SEZ6L2: variants seen among roughly 807,000 people sequenced by gnomAD.
SEZ6L2 encodes seizure 6-like protein 2.
SEZ6L2 carries 44 observed loss-of-function variants against 97.0 expected under a neutral mutation model. The ratio of observed to expected loss-of-function variants is 0.45; its 90% CI spans 0.36 to 0.58. SEZ6L2 has a LOEUF of 0.58. SEZ6L2 is among the 20% of genes least tolerant of loss of function. SEZ6L2 has a pLI of 0.00. For missense variants in SEZ6L2, 1,086 were observed against 1,233.3 expected, an observed-to-expected ratio of 0.88 and a Z score of 1.79; for synonymous variants, 543 against 546.1, an observed-to-expected ratio of 0.99 and a Z score of 0.08.
intron 5 of SEZ6L2, among the ~76,000 whole-genome samples, chr16:29,894,169 C>T (rs1178239377): frequency 6.6e-6 from 1 of 152,202 alleles, no homozygotes; most frequent in African/African-American, 2.4e-5. Flanking sequence ...CCACGCCAGG[C>T]CACACACTGT....
At chr16:29,885,325 G>A (rs2068114450) in intron 8 of SEZ6L2, among the ~76,000 whole-genome samples, 1 of 152,192 alleles carries the variant, frequency 6.6e-6, no homozygotes, top group South Asian at 2.1e-4. Context: ...GGAAAGAACC[G>A]AGATACTGAG....
rs2068178922 is a variant in SEZ6L2, at chr16:29,887,771, C to T, written c.1086G>A (p.Val362=). 2 of 1,613,838 alleles carry T rather than the reference C, an allele frequency of 1.2e-6. No homozygotes were observed. The highest frequency in any genetic ancestry group is 2.7e-5 in the African/African-American group (2 of 75,024). The part of the protein sequence containing the change: ...TIHNATLGRI[V]SPEPGGAVGP... ...CTACGGCTCCCCCAGGCTCTGGGGACACGATGCGGCCCAGGGTGGCATTGT... is the reference window on the plus strand; with the variant it reads ...CTACGGCTCCCCCAGGCTCTGGGGATACGATGCGGCCCAGGGTGGCATTGT... The change falls in exon 7 of 18, where the codon GTG becomes GTA. Residue 362 remains valine (V), a synonymous_variant. Coordinates refer to ENST00000617533, the MANE Select transcript of SEZ6L2 (RefSeq NM_001243332.2).
At position 29,877,738 on chromosome 16, in the gene SEZ6L2, T is replaced by C. The variant is rs369308589; in HGVS notation, c.1713-271A>G. ...ATTACTAACTCCGCCCACTGTCCAC[T>C]CCCTCCTCCATCACCATGAGATCCA... On this transcript the variant is annotated intron_variant, in intron 10 of 17. Transcript: ENST00000617533. 1.6e-4 allele frequency among the ~76,000 whole-genome samples: 24 copies of C among 152,178 alleles called. No individual in the cohort carries two copies. In the East Asian group the frequency reaches 4.2e-3, roughly 27 times the overall value.
At position 29,897,117 on chromosome 16, in the gene SEZ6L2, A is replaced by G. The variant is rs750921264; in HGVS notation, c.216T>C (p.Ser72=). Residue 72 remains serine, a synonymous_variant, in exon 3 of 18, where the codon TCT becomes TCC. Transcript: ENST00000617533. ...GGGTGGCTAGCGTGGGGTCCCGATCAGATCCTGGGACAGTGCAGGGAATAT... is the reference window on the plus strand; with the variant it reads ...GGGTGGCTAGCGTGGGGTCCCGATCGGATCCTGGGACAGTGCAGGGAATAT... ...RGPEMGYLPG[S]DRDPTLATPP... 5 of 1,561,676 alleles carry G rather than the reference A, an allele frequency of 3.2e-6. No homozygotes were observed. The East Asian group carries it at 1.1e-4, about 36-fold the overall frequency.
chr16:29,897,088 G>A lies in SEZ6L2; in HGVS notation c.245C>T (p.Pro82Leu), dbSNP rs773254649. The stretch of plus-strand genomic sequence containing the variant: ...GGGCACTGCGAGAGTCTGGCCGGCC[G>A]GAGGGGTGGCTAGCGTGGGGTCCCG... Reference protein sequence around the residue: ...SDRDPTLATPPAGQTLAVPSL... With the variant: ...SDRDPTLATPLAGQTLAVPSL... Residue 82 changes from proline to leucine, a missense_variant, in exon 3 of 18, where the codon CCG (proline) becomes CTG (leucine). Coordinates refer to ENST00000617533, the MANE Select transcript of SEZ6L2 (RefSeq NM_001243332.2). 21 of 1,580,994 alleles carry A rather than the reference G, an allele frequency of 1.3e-5. No homozygotes were observed. Among genetic ancestry groups the A allele is most frequent in the South Asian group, 9.0e-5 (8 of 88,798 alleles).
chr16:29,897,891 G>A lies in SEZ6L2; in HGVS notation c.173C>T (p.Ala58Val), dbSNP rs1476323165. 1 of 1,613,206 alleles carries A rather than the reference G, an allele frequency of 6.2e-7. No individual in the cohort carries two copies. Among genetic ancestry groups the A allele is most frequent in the Non-Finnish European group, 8.5e-7 (1 of 1,179,658 alleles). Residue 58 changes from alanine (A) to valine (V), a missense_variant, in exon 2 of 18, where the codon GCC (alanine) becomes GTC (valine). Physicochemically the swap from Ala to Val is moderately conservative, Grantham distance 64. This residue lies in a region of SEZ6L2 where 776 missense variants were observed against 794.7 expected (regional missense o/e 0.98). Transcript: ENST00000617533. ...CATCTCTGGGCCCCTCCTCAGCAGG[G>A]CCCCATGAAGCAGTTCAGCCAGGGC... Reference protein sequence around the residue: ...SEALAELLHGALLRRGPEMGY... With the variant: ...SEALAELLHGVLLRRGPEMGY...
Position 29,873,214 on chromosome 16 carries a change from C to T in SEZ6L2, c.2488+26G>A, listed in dbSNP as rs769657814. The T allele has an allele frequency of 3.5e-5, 56 of 1,611,182 alleles. No homozygotes were observed. In the South Asian group the frequency reaches 5.9e-4, roughly 17 times the overall value. Reference sequence around the variant, plus strand: ...TGTCACTTCCCGGACACTGGTGTGCCCCTCCTGCCCTGTCTGGCCAGGCAC... The same window carrying T: ...TGTCACTTCCCGGACACTGGTGTGCTCCTCCTGCCCTGTCTGGCCAGGCAC... On this transcript the variant is annotated intron_variant, in intron 14 of 17. Coordinates refer to ENST00000617533, the MANE Select transcript of SEZ6L2 (RefSeq NM_001243332.2). The surrounding 1 kb of genome is among the most constrained non-coding windows in gnomAD (Gnocchi z 4.3).
At chr16:29,880,251 C>T (rs2068002970) in intron 8 of SEZ6L2, among the ~76,000 whole-genome samples, 187 bp from the exon 9 acceptor site, 3 of 151,828 alleles carry the variant, frequency 2.0e-5, no homozygotes, top group Admixed American at 2.0e-4. Context: ...CAGCCTCTGA[C>T]TTCCAGGTTC....
chr16:29,895,178 CAAAAAAA>C (rs55954869), intron 5 of SEZ6L2, 74 bp downstream of exon 5: 145 of 568,404 alleles, frequency 2.6e-4, no homozygotes, highest in East Asian at 4.9e-4. Context: ...GACTCTGTCT[CAAAAAAA>C]AAAAAAAAAA....
intron 12 of SEZ6L2, among the ~76,000 whole-genome samples, chr16:29,874,547 C>CTTT (rs1567410632): frequency 8.1e-5 from 2 of 24,578 alleles, no homozygotes; most frequent in Admixed American, 5.3e-4. Context: ...TGTGTGTGTG[C>CTTT]TTGTTTTTTT....
rs376516914 is a variant in SEZ6L2 at position 29,872,758 on chromosome 16, G to T, written c.2489-15C>A. On this transcript the variant is annotated splice_polypyrimidine_tract_variant and intron_variant, in intron 14 of 17. Coordinates refer to ENST00000617533, the MANE Select transcript of SEZ6L2 (RefSeq NM_001243332.2). The stretch of plus-strand genomic sequence containing the variant: ...CTCATAGGCAACTGCAGGGAGAGGA[G>T]GGGGAGGGGATGGGGTCTGAGCCAG... 1.9e-6 allele frequency: 3 copies of T among 1,609,194 alleles called. No individual in the cohort carries two copies. The highest frequency in any genetic ancestry group is 1.3e-5 in the African/African-American group (1 of 74,898).
rs751974544 is a variant in SEZ6L2 at position 29,879,996 on chromosome 16, A to G, written c.1441T>C (p.Tyr481His). Residue 481 changes from tyrosine (Y) to histidine (H), a missense_variant, in exon 9 of 18, where the codon TAT becomes CAT. Tyr to His is a moderately conservative substitution (Grantham distance 83). Coordinates refer to ENST00000617533, the MANE Select transcript of SEZ6L2 (RefSeq NM_001243332.2). ...AAGGTTGCCAGTGCCCCTGGGCGAT[A>G]CTCAGGGTCCGTGGTAGTGACATTT... ...HGNVTTTDPE[Y>H]RPGALATFSC... 3 of 1,614,048 alleles carry G rather than the reference A, an allele frequency of 1.9e-6. No individual in the cohort carries two copies. The highest frequency in any genetic ancestry group is 2.5e-6 in the Non-Finnish European group (3 of 1,180,032).
intron 6 of SEZ6L2, 106 bp downstream of exon 6, chr16:29,888,434 C>T: frequency 1.6e-6 from 2 of 1,240,208 alleles, no homozygotes; most frequent in Admixed American, 2.2e-5. Flanking sequence ...AACACCCCTT[C>T]AGAATGGGTT....
chr16:29,887,629 C>T lies in SEZ6L2; in HGVS notation c.1208+20G>A. 1 of 1,536,978 alleles carries T rather than the reference C, an allele frequency of 6.5e-7. No homozygotes were observed. On this transcript the variant is annotated intron_variant, in intron 7 of 17. Transcript: ENST00000617533. ...GCCCGGCCAAGGTGGGGACTTCTGA[C>T]CCAAGACCCAGACCCTTACCGGTCA...
chr16:29,895,847 G>A lies in SEZ6L2; in HGVS notation c.525C>T (p.Asn175=), dbSNP rs1475943214. The stretch of plus-strand genomic sequence containing the variant: ...CATACCCTTCGCCCTCGGAGATGTT[G>A]TTATTACACAGAACTGAGGAGATAC... ...TTVTSPVLCN[N]NISEGEGYVE... is the part of the protein sequence containing the mutation. Residue 175 remains asparagine, a synonymous_variant, in exon 4 of 18, where the codon AAC becomes AAT. Coordinates refer to ENST00000617533, the MANE Select transcript of SEZ6L2 (RefSeq NM_001243332.2). 1.2e-6 allele frequency: 2 copies of A among 1,612,840 alleles called. No homozygotes were observed.
intron 11 of SEZ6L2, 124 bp downstream of exon 11, chr16:29,877,147 C>T: frequency 8.3e-7 from 1 of 1,200,616 alleles, no homozygotes; most frequent in Non-Finnish European, 1.1e-6. Context: ...TGGCTTCAAA[C>T]GATCCTCCCG....
intron 8 of SEZ6L2, among the ~76,000 whole-genome samples, chr16:29,884,738 A>G (rs1185735117): frequency 7.0e-6 from 1 of 143,234 alleles, no homozygotes; most frequent in Non-Finnish European, 1.5e-5. Context: ...ACGTGGAGAA[A>G]CCCCATTTTT....
chr16:29,874,614 C>T (rs2067866025), intron 12 of SEZ6L2, among the ~76,000 whole-genome samples: 2 of 123,202 alleles, frequency 1.6e-5, no homozygotes. Context: ...CTCTGTCGCC[C>T]AGGCTGGAGT....
At chr16:29,880,626 T>A (rs1365653605) in intron 8 of SEZ6L2, among the ~76,000 whole-genome samples, 1 of 150,384 alleles carries the variant, frequency 6.6e-6, no homozygotes, top group Non-Finnish European at 1.5e-5. Flanking sequence ...TGGCCAATTT[T>A]TGTATTCTTA....
Sources: gnomAD v4.1 joint callset for allele counts (sites outside exome capture counted in the v4.1 genomes callset) on GRCh38, gnomAD v4.1.1 for gene constraint, gnomAD v4.1.1 regional missense constraint, Gnocchi (gnomAD v3.1) non-coding constraint, MANE v1.5 for transcripts, NCBI Gene and HGNC (gene_info 2026-07-23, HGNC 2026-07-21) for gene names.